POLR1B: variants seen among roughly 807,000 people sequenced by gnomAD.
POLR1B encodes RNA polymerase I subunit B.
POLR1B carries 30 observed loss-of-function variants against 105.8 expected under a neutral mutation model. The ratio of observed to expected loss-of-function variants is 0.28; its 90% CI spans 0.21 to 0.38. The LOEUF is 0.38. Ranked by LOEUF, POLR1B falls within the 10% of genes least tolerant of loss-of-function variation. POLR1B has a pLI of 1.00. For synonymous variants in POLR1B, 485 were observed against 505.1 expected (o/e 0.96, Z 0.53); for missense variants, 976 against 1,435.8 (o/e 0.68, Z 5.17).
At chr2:112,557,862 C>T (rs536637359) in intron 7 of POLR1B, 48 bp from the exon 8 acceptor site, 9 of 1,063,450 alleles carry the variant, frequency 8.5e-6, no homozygotes, top group Middle Eastern at 3.5e-4. Flanking sequence ...TGAGCCACCA[C>T]ACCTGGCTCA....
intron 8 of POLR1B, among the ~76,000 whole-genome samples, 190 bp from the exon 9 acceptor site, chr2:112,559,103 G>A (rs1683824642): frequency 6.6e-6 from 1 of 152,106 alleles, no homozygotes; most frequent in African/African-American, 2.4e-5. Context: ...AATACAGTTT[G>A]TGAAATCTGG....
chr2:112,561,722 G>A (rs1235273740), intron 9 of POLR1B, among the ~76,000 whole-genome samples: 1 of 152,102 alleles, frequency 6.6e-6, no homozygotes, highest in Non-Finnish European at 1.5e-5. Context: ...GTAATTATAG[G>A]CTTATCTAAC....
intron 8 of POLR1B, 34 bp downstream of exon 8, chr2:112,558,115 T>C: frequency 7.7e-7 from 1 of 1,302,344 alleles, no homozygotes. Flanking sequence ...GTTATGTTTT[T>C]CAAATTAGTT....
intron 7 of POLR1B, among the ~76,000 whole-genome samples, chr2:112,556,186 G>A (rs1683651457): frequency 6.6e-6 from 1 of 152,216 alleles, no homozygotes; most frequent in Admixed American, 6.5e-5. Context: ...ACAGCAACCA[G>A]CAGAGGTGGA....
At chr2:112,571,322 G>GT (rs1049494421) in intron 12 of POLR1B, among the ~76,000 whole-genome samples, 6 of 152,150 alleles carry the variant, frequency 3.9e-5, no homozygotes, top group African/African-American at 1.4e-4. Flanking sequence ...CGAGGAGTAT[G>GT]TTTTAAACCC....
chr2:112,549,678 G>A (rs1574095318), intron 4 of POLR1B, among the ~76,000 whole-genome samples: 1 of 151,988 alleles, frequency 6.6e-6, no homozygotes, highest in African/African-American at 2.4e-5. Flanking sequence ...GCATTCTTGT[G>A]TTAAGTTTTC....
intron 8 of POLR1B, 67 bp downstream of exon 8, chr2:112,558,148 C>T (rs1231827680): frequency 8.3e-7 from 1 of 1,203,374 alleles, no homozygotes; most frequent in Admixed American, 3.4e-5. Context: ...TTTGCCTGTC[C>T]CTGAGAGTTC....
rs1303806904 is a variant in POLR1B at position 112,568,631 on chromosome 2, T to A, written c.1918-115T>A. The A allele has an allele frequency of 3.4e-6, 4 of 1,193,882 alleles. No homozygotes were observed. In the East Asian group the frequency reaches 9.4e-5, roughly 28 times the overall value. The allele number at this position is 1,193,882 out of a possible 1,614,324, so 74.0% of individuals were successfully genotyped here. ...CAGTTGATCCCTTCAGCACTCATGA[T>A]GCTGGGTGGGGATGGTTTTCTCTTG... is the stretch of plus-strand genomic sequence containing the variant. On this transcript the variant is annotated intron_variant, in intron 11 of 14. Transcript: ENST00000263331.
In POLR1B at chr2:112,552,172, T is replaced by C. The variant is rs549960826; in HGVS notation, c.986+174T>C. On this transcript the variant is annotated intron_variant, in intron 6 of 14. Transcript: ENST00000263331. The stretch of plus-strand genomic sequence containing the variant: ...TTGTTTTTGCGGCCCTCCTCACTTG[T>C]ATTTTTTTAGTAGTCGTGTTTTATT... Among the ~76,000 whole-genome samples, 6 of 152,350 alleles carry C rather than the reference T, an allele frequency of 3.9e-5. No individual in the cohort carries two copies. In the South Asian group the frequency reaches 1.2e-3, roughly 32 times the overall value.
intron 9 of POLR1B, among the ~76,000 whole-genome samples, chr2:112,562,275 A>C (rs1684027715): frequency 6.6e-6 from 1 of 152,306 alleles, no homozygotes; most frequent in East Asian, 1.9e-4. Context: ...CTGTAATTAC[A>C]TTTTGGGGGT....
In POLR1B at chr2:112,573,553, A is replaced by G. The variant is rs1684698698; in HGVS notation, c.2272-9A>G. ...GCCTCAGTCTTTTAACGATTCTTTT[A>G]CTTCACAGATTGTGAATAAGGCCTC... On this transcript the variant is annotated splice_polypyrimidine_tract_variant and intron_variant, in intron 13 of 14. Coordinates refer to ENST00000263331, the MANE Select transcript of POLR1B (RefSeq NM_019014.6). 3 of 1,606,192 alleles carry G rather than the reference A, an allele frequency of 1.9e-6. No homozygotes were observed. The highest frequency in any genetic ancestry group is 2.6e-6 in the Non-Finnish European group (3 of 1,176,228).
chr2:112,549,451 T>A, intron 4 of POLR1B, 52 bp downstream of exon 4: 1 of 1,441,048 alleles, frequency 6.9e-7, no homozygotes, highest in Non-Finnish European at 9.2e-7. Flanking sequence ...TAAAACTTTT[T>A]TTTTTTTTGA....
At position 112,579,078 on chromosome 2, in the gene POLR1B, C is replaced by T. The variant is rs1239633188; in HGVS notation, c.*3349C>T. 6.6e-6 allele frequency among the ~76,000 whole-genome samples: 1 copy of T among 151,822 alleles called. No homozygotes were observed. The highest frequency in any genetic ancestry group is 6.6e-5 in the Admixed American group (1 of 15,226). On this transcript the variant is annotated 3_prime_UTR_variant, in exon 15 of 15. Coordinates refer to ENST00000263331, the MANE Select transcript of POLR1B (RefSeq NM_019014.6). ...CAAAAATTAGCTGGGTGTGATGGCA[C>T]ACGCCTGTAATCCCAGCTACTCAGG...
At chr2:112,542,712 C>G (rs1682823988) in intron 1 of POLR1B, 41 bp downstream of exon 1, 2 of 1,604,664 alleles carry the variant, frequency 1.2e-6, no homozygotes, top group African/African-American at 2.7e-5. Context: ...GCGGCGAGGC[C>G]AATCCCAGGG....
At chr2:112,563,210 A>G (rs1312017118) in intron 9 of POLR1B, among the ~76,000 whole-genome samples, 1 of 150,640 alleles carries the variant, frequency 6.6e-6, no homozygotes, top group Non-Finnish European at 1.5e-5. Flanking sequence ...GCCCGCCACC[A>G]CGCCCGGCTA....
At chr2:112,542,167 G>A (rs1249997786), upstream of POLR1B, 2 of 1,535,632 alleles carry the variant, frequency 1.3e-6, no homozygotes, top group African/African-American at 2.7e-5. Flanking sequence ...AGCCAAAGAG[G>A]TCACATGCTC....
In POLR1B at chr2:112,559,544, G is replaced by A; in HGVS notation, c.1582G>A (p.Ala528Thr). ...CEVVTQFVYT[A>T]SIPALLCNLG... is the part of the protein sequence containing the mutation. Reference sequence around the variant, plus strand: ...GGTTGTCACACAGTTTGTGTATACGGCATCTATTCCAGCTTTACTGTGCAA... The same window carrying A: ...GGTTGTCACACAGTTTGTGTATACGACATCTATTCCAGCTTTACTGTGCAA... The change falls in exon 9 of 15, where the codon GCA becomes ACA. Residue 528 changes from alanine to threonine, a missense_variant. Ala to Thr is a moderately conservative substitution (Grantham distance 58). Coordinates refer to ENST00000263331, the MANE Select transcript of POLR1B (RefSeq NM_019014.6). 6.2e-7 allele frequency: 1 copy of A among 1,614,222 alleles called. No homozygotes were observed. Among genetic ancestry groups the A allele is most frequent in the South Asian group, 1.1e-5 (1 of 91,090 alleles).
At chr2:112,566,740 T>C (rs1684296389) in intron 10 of POLR1B, among the ~76,000 whole-genome samples, 1 of 151,942 alleles carries the variant, frequency 6.6e-6, no homozygotes, top group African/African-American at 2.4e-5. Context: ...TTCCTCTTTT[T>C]TTTTTTTTTT....
intron 1 of POLR1B, among the ~76,000 whole-genome samples, chr2:112,543,920 C>T (rs1255397219): frequency 6.6e-6 from 1 of 151,802 alleles, no homozygotes; most frequent in Non-Finnish European, 1.5e-5. Context: ...CCCATCTCCA[C>T]AAAAATTTAA....
Sources: allele counts gnomAD v4.1 joint callset (sites outside exome capture counted in the v4.1 genomes callset), GRCh38; gene constraint gnomAD v4.1.1; transcripts MANE v1.5; gene names NCBI Gene and HGNC (gene_info 2026-07-23, HGNC 2026-07-21).